The following OSBP2 variants were observed in gnomAD, a reference collection of about 807,000 sequenced individuals.
The protein encoded by OSBP2 is oxysterol binding protein 2.
Under a neutral mutation model 96.0 loss-of-function variants are expected in OSBP2, and 66 were observed. That is an observed-to-expected ratio of 0.69 (90% confidence interval 0.56 to 0.84). The LOEUF (loss-of-function observed/expected upper bound fraction) is 0.84. Among genes scored for constraint, OSBP2 ranks in the 40% least tolerant of loss-of-function variants. The pLI, the probability that OSBP2 is intolerant of heterozygous loss-of-function variation, is 0.00. For missense variants in OSBP2, 1,038 were observed against 1,222.7 expected (o/e 0.85, Z 2.25); for synonymous variants, 525 against 520.9 (o/e 1.01, Z -0.11).
chr22:30,735,923 A>G (rs956683110), intron 1 of OSBP2, among the ~76,000 whole-genome samples: 1 of 150,512 alleles, frequency 6.6e-6, no homozygotes, highest in African/African-American at 2.5e-5. Context: ...TTATTTATTT[A>G]TTTATTTTGA....
intron 1 of OSBP2, among the ~76,000 whole-genome samples, chr22:30,719,735 C>G (rs909705): frequency 0.13 from 18,394 of 144,162 alleles, 1,792 homozygotes; most frequent in East Asian, 0.39. Flanking sequence ...TCCTGGGCAA[C>G]AAAGTGAGAC....
At chr22:30,853,214 T>A (rs1390761105) in intron 2 of OSBP2, among the ~76,000 whole-genome samples, 1 of 152,232 alleles carries the variant, frequency 6.6e-6, no homozygotes, top group Admixed American at 6.5e-5. Flanking sequence ...TGTATTATCG[T>A]ATTGAAACCA....
At chr22:30,790,136 G>A (rs1375203727) in intron 2 of OSBP2, among the ~76,000 whole-genome samples, 4 of 152,030 alleles carry the variant, frequency 2.6e-5, no homozygotes, top group Non-Finnish European at 5.9e-5. Flanking sequence ...CATTGGGTGT[G>A]GGTGTCTTGG....
At chr22:30,902,540 T>C in intron 12 of OSBP2, 1 of 1,343,278 alleles carries the variant, frequency 7.4e-7, no homozygotes, top group Non-Finnish European at 1.1e-6. Flanking sequence ...GCAGGGGAGG[T>C]AGTCACCCAG....
intron 2 of OSBP2, among the ~76,000 whole-genome samples, chr22:30,839,580 T>G (rs1403778305): frequency 1.3e-5 from 2 of 152,096 alleles, no homozygotes; most frequent in African/African-American, 2.4e-5. Context: ...GGTTTTGATT[T>G]GCATTTCTCT....
intron 2 of OSBP2, among the ~76,000 whole-genome samples, chr22:30,809,347 T>TC (rs1569132834): frequency 1.3e-5 from 2 of 151,968 alleles, no homozygotes; most frequent in Non-Finnish European, 2.9e-5. Context: ...TGGTGAGTAC[T>TC]GCGAGAAATC....
intron 2 of OSBP2, among the ~76,000 whole-genome samples, chr22:30,753,558 G>C (rs971292217): frequency 6.6e-6 from 1 of 152,148 alleles, no homozygotes; most frequent in African/African-American, 2.4e-5. Context: ...ACCTCCATCT[G>C]GCCAGGAAGG....
At chr22:30,817,895 T>C (rs191995421) in intron 2 of OSBP2, among the ~76,000 whole-genome samples, 111 of 152,206 alleles carry the variant, frequency 7.3e-4, no homozygotes, top group African/African-American at 2.6e-3. Flanking sequence ...AATTCACCTG[T>C]GATCCTACTG....
intron 2 of OSBP2, among the ~76,000 whole-genome samples, chr22:30,834,329 G>A (rs1465842181): frequency 2.6e-5 from 4 of 152,210 alleles, no homozygotes; most frequent in African/African-American, 4.8e-5. Context: ...AAACTTTTGT[G>A]TGGATGTATG....
chr22:30,817,574 G>C (rs2091096994), intron 2 of OSBP2, among the ~76,000 whole-genome samples: 1 of 152,250 alleles, frequency 6.6e-6, no homozygotes, highest in African/African-American at 2.4e-5. Flanking sequence ...AATGCAGACA[G>C]AAGGGAACAG....
chr22:30,694,787 C>G (rs1217246871), upstream of OSBP2: 4 of 583,696 alleles, frequency 6.9e-6, no homozygotes, highest in Admixed American at 6.6e-5. Flanking sequence ...CGCACGGGAC[C>G]GCGGAGGAAC....
intron 2 of OSBP2, among the ~76,000 whole-genome samples, chr22:30,854,365 G>T (rs1481881835): frequency 6.9e-6 from 1 of 144,046 alleles, no homozygotes. Context: ...CTGGAGTGCA[G>T]TGGCATGATC....
At chr22:30,894,162 G>C in intron 12 of OSBP2, 161 bp downstream of exon 12, 1 of 621,226 alleles carries the variant, frequency 1.6e-6, no homozygotes, top group African/African-American at 1.8e-5. Context: ...GGCAGACACC[G>C]AACAGTAAAT....
At chr22:30,784,467 C>T (rs1025235687) in intron 2 of OSBP2, among the ~76,000 whole-genome samples, 18 of 151,988 alleles carry the variant, frequency 1.2e-4, no homozygotes, top group African/African-American at 4.4e-4. Flanking sequence ...CTATGTTGCC[C>T]AGGCTGGTCT....
chr22:30,778,144 ACCAGCATGC>A (rs2090460061), intron 2 of OSBP2, among the ~76,000 whole-genome samples: 1 of 136,328 alleles, frequency 7.3e-6, no homozygotes, highest in Non-Finnish European at 1.6e-5. Context: ...ACAGGCATGC[ACCAGCATGC>A]CCGGCTAATT....
At chr22:30,843,173 C>T (rs2038790904) in intron 2 of OSBP2, among the ~76,000 whole-genome samples, 1 of 152,198 alleles carries the variant, frequency 6.6e-6, no homozygotes, top group South Asian at 2.1e-4. Flanking sequence ...CCACTGAAGT[C>T]TTGAACCCCT....
intron 2 of OSBP2, among the ~76,000 whole-genome samples, chr22:30,754,525 G>C (rs566044491): frequency 3.9e-5 from 6 of 152,186 alleles, no homozygotes; most frequent in African/African-American, 1.4e-4. Flanking sequence ...GGCCCATGCA[G>C]AGGAGAGAAG....
At chr22:30,713,239 C>T (rs373557698) in intron 1 of OSBP2, among the ~76,000 whole-genome samples, 42 of 151,630 alleles carry the variant, frequency 2.8e-4, no homozygotes, top group Middle Eastern at 3.4e-3. Flanking sequence ...CCACCACGCC[C>T]GGCTAATTTT....
At chr22:30,856,848 C>T (rs1227066282) in intron 2 of OSBP2, among the ~76,000 whole-genome samples, 1 of 152,062 alleles carries the variant, frequency 6.6e-6, no homozygotes, top group Non-Finnish European at 1.5e-5. Flanking sequence ...ATGAAGCCTA[C>T]TGGCCCCTTA....
Sources: allele counts gnomAD v4.1 joint callset (sites outside exome capture counted in the v4.1 genomes callset), GRCh38; gene constraint gnomAD v4.1.1; transcripts MANE v1.5; gene names NCBI Gene and HGNC (gene_info 2026-07-23, HGNC 2026-07-21).